The following TYR variants were observed in gnomAD, a reference collection of about 807,000 sequenced individuals.
TYR encodes LB24-AB.
A neutral mutation model predicts 51.5 loss-of-function variants in TYR; 58 were observed. The observed-to-expected ratio is 1.13, with a 90% CI of 0.91 to 1.40. The LOEUF is 1.40. Ranked by LOEUF, TYR falls within the 40% of genes most tolerant of loss-of-function variation. TYR has a pLI of 0.00. For synonymous variants in TYR, 263 were observed against 235.2 expected (o/e 1.12, Z -1.08); for missense variants, 732 against 647.4 (o/e 1.13, Z -1.42).
chr11:89,274,516 A>G (rs1350657869), intron 3 of TYR, among the ~76,000 whole-genome samples: 2 of 152,006 alleles, frequency 1.3e-5, no homozygotes, highest in Admixed American at 1.3e-4. Context: ...ACCTCACTGC[A>G]TGTTAAGTAC....
intron 3 of TYR, among the ~76,000 whole-genome samples, chr11:89,252,040 A>T (rs991222042): frequency 2.0e-5 from 3 of 151,782 alleles, no homozygotes; most frequent in African/African-American, 7.2e-5. Context: ...CAAAATGAGG[A>T]CATTGGCTTT....
chr11:89,292,965 T>C (rs1409214868), intron 4 of TYR, among the ~76,000 whole-genome samples: 1 of 151,520 alleles, frequency 6.6e-6, no homozygotes, highest in Non-Finnish European at 1.5e-5. Flanking sequence ...TTAAATTAAG[T>C]CTTGTTTAGA....
At chr11:89,278,498 T>G (rs1297807518) in intron 3 of TYR, among the ~76,000 whole-genome samples, 1 of 151,546 alleles carries the variant, frequency 6.6e-6, no homozygotes, top group Non-Finnish European at 1.5e-5. Context: ...TGTATGTAAG[T>G]TTTTTTTGTG....
chr11:89,271,457 T>C (rs1287981150), intron 3 of TYR, among the ~76,000 whole-genome samples: 1 of 151,958 alleles, frequency 6.6e-6, no homozygotes, highest in African/African-American at 2.4e-5. Flanking sequence ...AAAATGTACA[T>C]ACCTTATGTT....
At chr11:89,263,352 AT>A (rs1168562878) in intron 3 of TYR, among the ~76,000 whole-genome samples, 1 of 152,004 alleles carries the variant, frequency 6.6e-6, no homozygotes, top group Non-Finnish European at 1.5e-5. Flanking sequence ...GAGCTTTCTC[AT>A]TTTGATAAAT....
intron 3 of TYR, among the ~76,000 whole-genome samples, chr11:89,283,189 G>T (rs1264234639): frequency 2.0e-5 from 3 of 151,728 alleles, no homozygotes; most frequent in African/African-American, 7.2e-5. Context: ...CAGATTTTTA[G>T]TGTTTATCAG....
chr11:89,251,165 G>A (rs892440918), intron 3 of TYR, among the ~76,000 whole-genome samples: 1 of 151,868 alleles, frequency 6.6e-6, no homozygotes, highest in East Asian at 1.9e-4. Context: ...AAGATATTCT[G>A]TAGGGAAATT....
chr11:89,282,997 A>G (rs144756760), intron 3 of TYR, among the ~76,000 whole-genome samples: 1,547 of 151,928 alleles, frequency 0.01, 26 homozygotes, highest in African/African-American at 0.036. Flanking sequence ...TGACATAAAT[A>G]TAATTCCCAT....
At chr11:89,216,170 T>G (rs1943829815) in intron 2 of TYR, among the ~76,000 whole-genome samples, 1 of 152,180 alleles carries the variant, frequency 6.6e-6, no homozygotes, top group African/African-American at 2.4e-5. Flanking sequence ...ATTGTGACTT[T>G]AGTGTATAAA....
In TYR at chr11:89,295,166, A is replaced by C. The variant is rs773037398; in HGVS notation, c.1390A>C (p.Ile464Leu). 1.2e-6 allele frequency: 2 copies of C among 1,613,968 alleles called. No individual in the cohort carries two copies. Among genetic ancestry groups the C allele is most frequent in the South Asian group, 2.2e-5 (2 of 91,070 alleles). The change falls in exon 5 of 5, where the codon ATT becomes CTT. Residue 464 changes from isoleucine to leucine, a missense_variant. Ile to Leu is a conservative substitution (Grantham distance 5, BLOSUM62 2). Coordinates refer to ENST00000263321, the MANE Select transcript of TYR (RefSeq NM_000372.5). Reference protein sequence around the residue: ...DSDPDSFQDYIKSYLEQASRI... With the variant: ...DSDPDSFQDYLKSYLEQASRI... The stretch of plus-strand genomic sequence containing the variant: ...AGACCCAGACTCTTTTCAAGACTAC[A>C]TTAAGTCCTATTTGGAACAAGCGAG...
chr11:89,244,739 C>T lies in TYR; in HGVS notation c.1184+16769C>T, dbSNP rs116421244. Among the ~76,000 whole-genome samples the T allele has an allele frequency of 8.7e-3, 1,329 of 152,282 alleles. 11 individuals are homozygous for T. The highest frequency in any genetic ancestry group is 0.031 in the African/African-American group (1,275 of 41,558). The stretch of plus-strand genomic sequence containing the variant: ...ATGGCTTATACAGAAAAAAAACAAG[C>T]ACACCTCTGCACATATGCATTCCTT... On this transcript the variant is annotated intron_variant, in intron 3 of 4. Transcript: ENST00000263321.
chr11:89,289,587 G>A (rs758686296), intron 4 of TYR, among the ~76,000 whole-genome samples: 1 of 151,932 alleles, frequency 6.6e-6, no homozygotes, highest in Non-Finnish European at 1.5e-5. Context: ...AGGTAAATGA[G>A]ACAGAGTGCC....
At chr11:89,244,186 T>C (rs983550945) in intron 3 of TYR, among the ~76,000 whole-genome samples, 11 of 152,196 alleles carry the variant, frequency 7.2e-5, no homozygotes, top group Non-Finnish European at 1.5e-4. Context: ...CATTTGCCTA[T>C]ACTCTTAAAG....
Position 89,177,929 on chromosome 11 carries a change from A to C in TYR, c.-25A>C. ...GTGACTCCAATTAGCCAGTTCCTGC[A>C]GACCTTGTGAGGACTAGAGGAAGAA... is the stretch of plus-strand genomic sequence containing the variant. On this transcript the variant is annotated 5_prime_UTR_variant, in exon 1 of 5. Transcript: ENST00000263321. 4 of 1,612,148 alleles carry C rather than the reference A, an allele frequency of 2.5e-6. No homozygotes were observed. Among genetic ancestry groups the C allele is most frequent in the Non-Finnish European group, 3.4e-6 (4 of 1,178,902 alleles).
chr11:89,202,772 A>G (rs1378704098), intron 2 of TYR, among the ~76,000 whole-genome samples: 2 of 152,032 alleles, frequency 1.3e-5, no homozygotes, highest in African/African-American at 4.8e-5. Context: ...TTTTCTTAAG[A>G]TGTAATAATT....
chr11:89,260,140 G>T (rs1944439424), intron 3 of TYR, among the ~76,000 whole-genome samples: 2 of 151,782 alleles, frequency 1.3e-5, no homozygotes, highest in East Asian at 1.9e-4. Flanking sequence ...CTGGGTTAAG[G>T]CAAGGACGTG....
At chr11:89,281,309 G>C (rs1375899140) in intron 3 of TYR, among the ~76,000 whole-genome samples, 2 of 151,682 alleles carry the variant, frequency 1.3e-5, no homozygotes, top group African/African-American at 4.8e-5. Flanking sequence ...CTGGATCATA[G>C]GGCTTTGATA....
At chr11:89,222,670 T>C (rs373187466) in intron 2 of TYR, among the ~76,000 whole-genome samples, 22 of 151,642 alleles carry the variant, frequency 1.5e-4, no homozygotes, top group Middle Eastern at 3.4e-3. Context: ...ACCCAGGAGG[T>C]GGAGGTTGCA....
rs1389345354 is a variant in TYR at position 89,275,436 on chromosome 11, A to G, written c.1185-9337A>G. Among the ~76,000 whole-genome samples the G allele has an allele frequency of 2.6e-5, 4 of 151,922 alleles. No homozygotes were observed. The East Asian group carries it at 7.8e-4, about 29-fold the overall frequency. On this transcript the variant is annotated intron_variant, in intron 3 of 4. Coordinates refer to ENST00000263321, the MANE Select transcript of TYR (RefSeq NM_000372.5). ...CCACCTGGGTGTTATAATAAAAGTC[A>G]CAGGAATCTAAAATGGAACCCCAGA...
Sources: gnomAD v4.1 joint callset for allele counts (sites outside exome capture counted in the v4.1 genomes callset) on GRCh38, gnomAD v4.1.1 for gene constraint, MANE v1.5 for transcripts, NCBI Gene and HGNC (gene_info 2026-07-23, HGNC 2026-07-21) for gene names.